TNFRSF1B: variants seen among roughly 807,000 people sequenced by gnomAD.
The protein encoded by TNFRSF1B is TNF receptor superfamily member 1B, also known as tumor necrosis factor receptor superfamily member 1B.
A neutral mutation model predicts 44.6 loss-of-function variants in TNFRSF1B; 19 were observed. The ratio of observed to expected loss-of-function variants is 0.43; its 90% CI spans 0.30 to 0.62. The LOEUF (loss-of-function observed/expected upper bound fraction) is 0.62. TNFRSF1B is among the 20% of genes least tolerant of loss of function. The pLI is 0.16. For missense variants in TNFRSF1B, 541 were observed against 619.9 expected (o/e 0.87, Z 1.35); for synonymous variants, 252 against 261.1 (o/e 0.97, Z 0.34).
In TNFRSF1B at chr1:12,192,965, G is replaced by C. The variant is rs781375513; in HGVS notation, c.654G>C (p.Gln218His). The C allele has an allele frequency of 7.2e-5, 117 of 1,614,048 alleles. No individual in the cohort carries two copies. The highest frequency in any genetic ancestry group is 3.3e-4 in the Middle Eastern group (2 of 6,084). ...CCCCAGGGGCAGTACACTTACCCCA[G>C]CCAGTGTCCACACGATCCCAACACA... is the stretch of plus-strand genomic sequence containing the variant. ...SMAPGAVHLPQPVSTRSQHTQ... is the reference protein window; with the variant it reads ...SMAPGAVHLPHPVSTRSQHTQ... The change falls in exon 6 of 10, where the codon CAG becomes CAC. Residue 218 changes from glutamine (Q) to histidine (H), a missense_variant. Coordinates refer to ENST00000376259, the MANE Select transcript of TNFRSF1B (RefSeq NM_001066.3).
At chr1:12,189,003 C>A in intron 2 of TNFRSF1B, 108 bp downstream of exon 2, 2 of 929,706 alleles carry the variant, frequency 2.2e-6, no homozygotes, top group Non-Finnish European at 3.2e-6. Flanking sequence ...ACTCCTAGTT[C>A]TATGCACTGG....
Position 12,177,009 on chromosome 1 carries a change from G to GT in TNFRSF1B, c.78+9850dup, listed in dbSNP as rs951547231. On this transcript the variant is annotated intron_variant, in intron 1 of 9. Transcript: ENST00000376259. The surrounding 1 kb of genome is among the most constrained non-coding windows in gnomAD (Gnocchi z 4.3). ...GCCCTGAGCCCAATGGACCGATTCT[G>GT]TTTTTTTTTTGAGATGGAGTCTTGC... Among the ~76,000 whole-genome samples, 34 of 148,888 alleles carry GT rather than the reference G, an allele frequency of 2.3e-4. No individual in the cohort carries two copies. Among genetic ancestry groups the GT allele is most frequent in the South Asian group, 1.3e-3 (6 of 4,678 alleles).
Position 12,167,031 on chromosome 1 carries a change from C to CGCT in TNFRSF1B, c.-59_-57dup, listed in dbSNP as rs1638398223. The CGCT allele has an allele frequency of 1.7e-6, 2 of 1,155,052 alleles. No individual in the cohort carries two copies. The highest frequency in any genetic ancestry group is 5.6e-5 in the South Asian group (2 of 35,696). The allele number at this position is 1,155,052 out of a possible 1,614,324, so 71.6% of individuals were successfully genotyped here. ...AGCGCAGCGGAGCCTGGAGAGAAGG[C>CGCT]GCTGGGCTGCGAGGGCGCGAGGGCG... On this transcript the variant is annotated 5_prime_UTR_variant, in exon 1 of 10. Coordinates refer to ENST00000376259, the MANE Select transcript of TNFRSF1B (RefSeq NM_001066.3).
intron 7 of TNFRSF1B, 58 bp from the exon 8 acceptor site, chr1:12,194,526 T>G (rs1190487159): frequency 4.4e-6 from 7 of 1,608,770 alleles, no homozygotes; most frequent in Non-Finnish European, 5.1e-6. Flanking sequence ...GCCCTCCTAC[T>G]TAGGACAGAT....
At chr1:12,202,218 T>A (rs1305417632) in intron 9 of TNFRSF1B, 47 bp downstream of exon 9, 1 of 1,531,406 alleles carries the variant, frequency 6.5e-7, no homozygotes, top group Admixed American at 2.0e-5. Context: ...CTCCTTGGTC[T>A]TTCTCACCTG....
At chr1:12,167,534 C>T in intron 1 of TNFRSF1B, 1 of 399,368 alleles carries the variant, frequency 2.5e-6, no homozygotes, top group Non-Finnish European at 4.8e-6. Context: ...ACCCCGGCGA[C>T]TGCCGCGACA....
At chr1:12,188,711 A>T (rs1639041195) in intron 1 of TNFRSF1B, 85 bp from the exon 2 acceptor site, 1 of 1,302,932 alleles carries the variant, frequency 7.7e-7, no homozygotes, top group African/African-American at 1.5e-5. Flanking sequence ...AGGGCCAAAC[A>T]TTTGCAGGGC....
intron 1 of TNFRSF1B, among the ~76,000 whole-genome samples, chr1:12,174,236 C>G (rs1467731849): frequency 6.9e-6 from 1 of 145,632 alleles, no homozygotes; most frequent in Non-Finnish European, 1.5e-5. Context: ...CCTTCTCCTT[C>G]TCCTTCTCCT....
rs1044948428 is a variant in TNFRSF1B, at chr1:12,191,865, G to A, written c.399G>A (p.Gly133=). 1.9e-6 allele frequency: 3 copies of A among 1,611,908 alleles called. No individual in the cohort carries two copies. The highest frequency in any genetic ancestry group is 2.5e-6 in the Non-Finnish European group (3 of 1,179,592). Reference sequence around the variant, plus strand: ...ACTGCGCGCTGAGCAAGCAGGAGGGGTGCCGGCTGTGCGCGCCGCTGCGCA... The same window carrying A: ...ACTGCGCGCTGAGCAAGCAGGAGGGATGCCGGCTGTGCGCGCCGCTGCGCA... ...GWYCALSKQE[G]CRLCAPLRKC... The change falls in exon 4 of 10, where the codon GGG becomes GGA. Residue 133 remains glycine (G), a synonymous_variant. Coordinates refer to ENST00000376259, the MANE Select transcript of TNFRSF1B (RefSeq NM_001066.3).
chr1:12,201,919 C>A, intron 8 of TNFRSF1B, 48 bp from the exon 9 acceptor site: 1 of 1,531,218 alleles, frequency 6.5e-7, no homozygotes, highest in African/African-American at 1.4e-5. Context: ...GAAGAAAGAG[C>A]TGGCTGGTGG....
At chr1:12,201,177 T>C (rs1639383297) in intron 8 of TNFRSF1B, among the ~76,000 whole-genome samples, 1 of 150,820 alleles carries the variant, frequency 6.6e-6, no homozygotes, top group African/African-American at 2.5e-5. Context: ...GGAGGATCAC[T>C]TGAGCCTGGA....
intron 6 of TNFRSF1B, among the ~76,000 whole-genome samples, chr1:12,193,517 G>A (rs1639197774): frequency 6.6e-6 from 1 of 152,208 alleles, no homozygotes; most frequent in Non-Finnish European, 1.5e-5. Flanking sequence ...AGGCTGCATT[G>A]AGCTCTGATC....
chr1:12,170,275 A>G (rs749453047), intron 1 of TNFRSF1B, among the ~76,000 whole-genome samples: 1 of 152,160 alleles, frequency 6.6e-6, no homozygotes, highest in Non-Finnish European at 1.5e-5. Flanking sequence ...TCCAGCTCCA[A>G]TCCTCTAGGA....
intron 1 of TNFRSF1B, among the ~76,000 whole-genome samples, chr1:12,182,520 T>C (rs926829813): frequency 4.6e-5 from 7 of 152,374 alleles, no homozygotes; most frequent in African/African-American, 1.7e-4. Flanking sequence ...TCAATGCTAC[T>C]GTTTACCCAG....
intron 1 of TNFRSF1B, among the ~76,000 whole-genome samples, chr1:12,179,385 A>G (rs1204649392): frequency 6.6e-6 from 1 of 151,926 alleles, no homozygotes; most frequent in African/African-American, 2.4e-5. Flanking sequence ...GCTCCTGTGA[A>G]CCCCCAAGGT....
At chr1:12,193,779 G>A (rs1639204622) in intron 6 of TNFRSF1B, among the ~76,000 whole-genome samples, 176 bp from the exon 7 acceptor site, 1 of 152,134 alleles carries the variant, frequency 6.6e-6, no homozygotes, top group Admixed American at 6.5e-5. Context: ...TGGCCCTTAG[G>A]CTGAATGAGG....
At chr1:12,194,522 C>A in intron 7 of TNFRSF1B, 62 bp from the exon 8 acceptor site, 1 of 1,605,076 alleles carries the variant, frequency 6.2e-7, no homozygotes, top group Non-Finnish European at 8.5e-7. Flanking sequence ...TACTGCCCTC[C>A]TACTTAGGAC....
chr1:12,172,874 G>A (rs1638552377), intron 1 of TNFRSF1B, among the ~76,000 whole-genome samples: 1 of 152,204 alleles, frequency 6.6e-6, no homozygotes. Flanking sequence ...AGCACAGAGA[G>A]AGTGCACAAG....
chr1:12,192,778 T>G (rs1639175456), intron 5 of TNFRSF1B, 85 bp from the exon 6 acceptor site: 1 of 1,216,654 alleles, frequency 8.2e-7, no homozygotes. Context: ...TCTCCTATCC[T>G]GCCTGCTGGG....
Sources: allele counts gnomAD v4.1 joint callset (sites outside exome capture counted in the v4.1 genomes callset), GRCh38; gene constraint gnomAD v4.1.1; non-coding constraint Gnocchi (gnomAD v3.1); transcripts MANE v1.5; gene names NCBI Gene and HGNC (gene_info 2026-07-23, HGNC 2026-07-21).